The following PREX2 variants were observed in gnomAD, a reference collection of about 807,000 sequenced individuals.
PREX2 encodes the protein phosphatidylinositol 3,4,5-trisphosphate-dependent Rac exchanger 2 protein.
Under a neutral mutation model 203.2 loss-of-function variants are expected in PREX2, and 107 were observed. The observed-to-expected ratio is 0.53, with a 90% CI of 0.45 to 0.62. PREX2 has a LOEUF of 0.62. Among genes scored for constraint, PREX2 ranks in the 20% least tolerant of loss-of-function variants. The pLI, the probability that PREX2 is intolerant of heterozygous loss-of-function variation, is 0.00. For missense variants in PREX2, 1,777 were observed against 1,955.9 expected (o/e 0.91, Z 1.72); for synonymous variants, 672 against 663.6 (o/e 1.01, Z -0.19).
chr8:68,167,193 C>G (rs552066603), intron 35 of PREX2, among the ~76,000 whole-genome samples: 1 of 152,138 alleles, frequency 6.6e-6, no homozygotes, highest in Non-Finnish European at 1.5e-5. Flanking sequence ...CTGCTCAAAG[C>G]GCTTTAGTGA....
At chr8:67,989,201 G>C (rs1308455835) in intron 1 of PREX2, among the ~76,000 whole-genome samples, 1 of 152,014 alleles carries the variant, frequency 6.6e-6, no homozygotes, top group African/African-American at 2.4e-5. Context: ...AAAATAAGTA[G>C]AAAAAGTTCC....
intron 11 of PREX2, among the ~76,000 whole-genome samples, chr8:68,068,432 T>C (rs369971879): frequency 3.0e-4 from 45 of 152,202 alleles, no homozygotes; most frequent in African/African-American, 9.9e-4. Context: ...AAAAAGCAAT[T>C]CTTAATGTAA....
intron 35 of PREX2, 110 bp from the exon 36 acceptor site, chr8:68,191,612 T>C (rs928941229): frequency 6.6e-6 from 5 of 755,972 alleles, no homozygotes. Flanking sequence ...GTTCAATGCT[T>C]TTGTTTATTC....
intron 10 of PREX2, 97 bp downstream of exon 10, chr8:68,056,071 T>A: frequency 7.8e-7 from 1 of 1,283,414 alleles, no homozygotes; most frequent in Non-Finnish European, 1.1e-6. Flanking sequence ...AAATATTCCC[T>A]TAGGCACTTT....
At chr8:68,163,268 T>G (rs546061963) in intron 35 of PREX2, among the ~76,000 whole-genome samples, 3 of 152,342 alleles carry the variant, frequency 2.0e-5, no homozygotes, top group African/African-American at 7.2e-5. Context: ...ACAGTTGTAT[T>G]CAAACTGTGT....
Position 68,153,834 on chromosome 8 carries a change from C to T in PREX2, c.4232-3488C>T, listed in dbSNP as rs187693735. Among the ~76,000 whole-genome samples the T allele has an allele frequency of 3.6e-3, 547 of 152,246 alleles. 1 individual carries two copies. The highest frequency in any genetic ancestry group is 0.013 in the African/African-American group (525 of 41,544). ...TTGGCAAAATTGTTAGGCACTTTTCCAATTTTTAAAAAATGTTATGTGATT... is the reference window on the plus strand; with the variant it reads ...TTGGCAAAATTGTTAGGCACTTTTCTAATTTTTAAAAAATGTTATGTGATT... On this transcript the variant is annotated intron_variant, in intron 34 of 39. Transcript: ENST00000288368.
chr8:68,108,283 A>G lies in PREX2; in HGVS notation c.2890A>G (p.Ser964Gly), dbSNP rs1263381491. 2 of 1,614,000 alleles carry G rather than the reference A, an allele frequency of 1.2e-6. No individual in the cohort carries two copies. Among genetic ancestry groups the G allele is most frequent in the Non-Finnish European group, 1.7e-6 (2 of 1,179,896 alleles). ...AAGTGCATTTGGTGTTCAGTTGGAT[A>G]GCAGGAAGCATAATTCTCATGATAA... ...LGSAFGVQLD[S>G]RKHNSHDKEN... The change falls in exon 24 of 40, where the codon AGC becomes GGC. Residue 964 changes from serine to glycine, a missense_variant. Coordinates refer to ENST00000288368, the MANE Select transcript of PREX2 (RefSeq NM_024870.4).
chr8:68,043,140 A>T (rs997929029), intron 7 of PREX2, among the ~76,000 whole-genome samples: 4 of 152,026 alleles, frequency 2.6e-5, no homozygotes, highest in African/African-American at 9.7e-5. Context: ...TCTATAGTCA[A>T]CCTCCTGTGA....
chr8:67,968,226 A>G (rs1476940995), intron 1 of PREX2, among the ~76,000 whole-genome samples: 2 of 152,122 alleles, frequency 1.3e-5, no homozygotes, highest in African/African-American at 4.8e-5. Context: ...AGCATCTGCC[A>G]GCGACTGGGG....
At chr8:68,158,839 A>G (rs1439860982) in intron 35 of PREX2, among the ~76,000 whole-genome samples, 1 of 152,106 alleles carries the variant, frequency 6.6e-6, no homozygotes, top group Admixed American at 6.6e-5. Context: ...AGCATTGATG[A>G]TCAAAATTTG....
intron 1 of PREX2, among the ~76,000 whole-genome samples, chr8:67,982,924 G>A (rs1000597744): frequency 6.6e-5 from 10 of 152,124 alleles, no homozygotes; most frequent in African/African-American, 2.2e-4. Context: ...TTCTGGCATG[G>A]CCTTTAGCAT....
chr8:68,138,323 A>G, intron 32 of PREX2, 92 bp from the exon 33 acceptor site: 2 of 584,278 alleles, frequency 3.4e-6, no homozygotes, highest in Middle Eastern at 4.0e-4. Context: ...AAAACACAGC[A>G]AAGTTGTTTT....
At chr8:68,191,380 G>A (rs888999999) in intron 35 of PREX2, among the ~76,000 whole-genome samples, 1 of 152,050 alleles carries the variant, frequency 6.6e-6, no homozygotes, top group Non-Finnish European at 1.5e-5. Context: ...CACTTATTCT[G>A]TGCTGTGCAC....
At chr8:68,093,105 G>A (rs1289490958) in intron 20 of PREX2, among the ~76,000 whole-genome samples, 1 of 152,054 alleles carries the variant, frequency 6.6e-6, no homozygotes, top group Non-Finnish European at 1.5e-5. Flanking sequence ...AAGTCAGTTT[G>A]TTAGGCCAGG....
At chr8:67,955,147 C>CAAA (rs1183491822) in intron 1 of PREX2, among the ~76,000 whole-genome samples, 17 of 51,918 alleles carry the variant, frequency 3.3e-4, no homozygotes, top group Admixed American at 4.1e-4. Context: ...GACTCCATCT[C>CAAA]AAAAAAAAAA....
At chr8:68,095,499 A>G (rs1181221871) in intron 21 of PREX2, among the ~76,000 whole-genome samples, 3 of 125,746 alleles carry the variant, frequency 2.4e-5, no homozygotes, top group Non-Finnish European at 3.3e-5. Context: ...GAACGGGGCC[A>G]AATACATACA....
intron 1 of PREX2, among the ~76,000 whole-genome samples, chr8:67,967,309 T>G (rs1805804722): frequency 6.6e-6 from 1 of 152,220 alleles, no homozygotes; most frequent in South Asian, 2.1e-4. Flanking sequence ...AGGCTTTAAC[T>G]AGTGTCATTC....
intron 38 of PREX2, among the ~76,000 whole-genome samples, chr8:68,219,039 T>A (rs1035529932): frequency 6.6e-6 from 1 of 152,204 alleles, no homozygotes; most frequent in Non-Finnish European, 1.5e-5. Context: ...TTTAGGTTGC[T>A]AAGAAATACA....
chr8:67,970,655 C>T (rs1255105744), intron 1 of PREX2, among the ~76,000 whole-genome samples: 2 of 152,132 alleles, frequency 1.3e-5, no homozygotes, highest in Admixed American at 1.3e-4. Context: ...AAGAGGTAAT[C>T]CTCTTTCAAC....
Sources: allele counts gnomAD v4.1 joint callset (sites outside exome capture counted in the v4.1 genomes callset), GRCh38; gene constraint gnomAD v4.1.1; transcripts MANE v1.5; gene names NCBI Gene and HGNC (gene_info 2026-07-23, HGNC 2026-07-21).